TRIM55: variants seen among roughly 807,000 people sequenced by gnomAD.
TRIM55 encodes the protein tripartite motif-containing protein 55.
Under a neutral mutation model 60.9 loss-of-function variants are expected in TRIM55, and 50 were observed. That is an observed-to-expected ratio of 0.82 (90% confidence interval 0.65 to 1.04). The LOEUF is 1.04. TRIM55 is among the 50% of genes least tolerant of loss of function. The pLI is 0.00. For missense variants in TRIM55, 681 were observed against 666.9 expected, an observed-to-expected ratio of 1.02 and a Z score of -0.23; for synonymous variants, 237 against 238.1, an observed-to-expected ratio of 1.00 and a Z score of 0.04.
chr8:66,174,694 C>A lies in TRIM55; in HGVS notation c.*101C>A. 1 of 1,308,308 alleles carries A rather than the reference C, an allele frequency of 7.6e-7. No homozygotes were observed. The highest frequency in any genetic ancestry group is 1.0e-6 in the Non-Finnish European group (1 of 1,004,710). 81.0% of individuals were successfully genotyped at this position (1,308,308 alleles called of 1,614,324 possible). ...ATATTATGCAGATGATGAAAGGGAC[C>A]TCTGAACAGGATTTCTGCAAAAATA... On this transcript the variant is annotated 3_prime_UTR_variant, in exon 10 of 10. Transcript: ENST00000315962.
intron 4 of TRIM55, among the ~76,000 whole-genome samples, 188 bp downstream of exon 4, chr8:66,137,378 C>T (rs1294812246): frequency 6.6e-6 from 1 of 152,198 alleles, no homozygotes; most frequent in Non-Finnish European, 1.5e-5. Context: ...ACATGAGTCA[C>T]TGAGGCAGAT....
At chr8:66,122,934 A>G (rs1194565672), upstream of TRIM55, among the ~76,000 whole-genome samples, 1 of 152,156 alleles carries the variant, frequency 6.6e-6, no homozygotes, top group Non-Finnish European at 1.5e-5. Context: ...ATATTTTGAA[A>G]TGGCCCTGCA....
chr8:66,131,789 G>A (rs546242735), intron 2 of TRIM55, among the ~76,000 whole-genome samples: 2 of 152,264 alleles, frequency 1.3e-5, no homozygotes, highest in East Asian at 3.9e-4. Flanking sequence ...CTCACTGCAG[G>A]AATGTAACAG....
chr8:66,174,347 A>G, intron 9 of TRIM55, 124 bp from the exon 10 acceptor site: 1 of 717,338 alleles, frequency 1.4e-6, no homozygotes, highest in Non-Finnish European at 1.9e-6. Flanking sequence ...GCCATATAAT[A>G]ATATTGTTAT....
Position 66,174,499 on chromosome 8 carries a change from G to C in TRIM55, c.1553G>C (p.Gly518Ala), listed in dbSNP as rs572973590. Reference protein sequence around the residue: ...QIGFEAPPLQGQAAAPASGSG... With the variant: ...QIGFEAPPLQAQAAAPASGSG... The stretch of plus-strand genomic sequence containing the variant: ...GGATTTGAGGCTCCTCCCCTCCAGG[G>C]ACAGGCTGCAGCTCCAGCGAGTGGC... Residue 518 changes from glycine (G) to alanine (A), a missense_variant, in exon 10 of 10, where the codon GGA becomes GCA. Coordinates refer to ENST00000315962, the MANE Select transcript of TRIM55 (RefSeq NM_184085.2). 1.2e-6 allele frequency: 2 copies of C among 1,611,898 alleles called. No individual in the cohort carries two copies. Among genetic ancestry groups the C allele is most frequent in the African/African-American group, 2.7e-5 (2 of 74,914 alleles).
intron 3 of TRIM55, 121 bp from the exon 4 acceptor site, chr8:66,136,974 A>G: frequency 2.9e-6 from 2 of 690,546 alleles, no homozygotes; most frequent in South Asian, 2.0e-5. Context: ...CCTCCCTGTT[A>G]GTCCTTAGGG....
chr8:66,147,465 T>C (rs980118509), intron 4 of TRIM55, among the ~76,000 whole-genome samples: 1 of 151,918 alleles, frequency 6.6e-6, no homozygotes, highest in South Asian at 2.1e-4. Context: ...ATACTGAGAA[T>C]AGTAGAGAAA....
chr8:66,115,724 C>T, the TRIM55 span, among the ~76,000 whole-genome samples: 2 of 152,226 alleles, frequency 1.3e-5, no homozygotes, highest in African/African-American at 4.8e-5. Context: ...GATGGCCTTT[C>T]TTGGCTTTGC....
chr8:66,138,706 A>G (rs1809628621), intron 4 of TRIM55, among the ~76,000 whole-genome samples: 2 of 152,138 alleles, frequency 1.3e-5, no homozygotes, highest in Admixed American at 1.3e-4. Flanking sequence ...TGTTTTTAAG[A>G]TCCATTCGTG....
Position 66,154,090 on chromosome 8 carries a change from A to G in TRIM55, c.1280A>G (p.Glu427Gly). Reference protein sequence around the residue: ...PTGSEQTTESETPVPAAAETA... With the variant: ...PTGSEQTTESGTPVPAAAETA... ...GGCTCTGAGCAGACCACAGAGTCTG[A>G]AACTCCAGTCCCTGCAGCAGCAGAA... The change falls in exon 9 of 10, where the codon GAA (glutamate) becomes GGA (glycine). Residue 427 changes from glutamate to glycine, a missense_variant. Transcript: ENST00000315962. The G allele has an allele frequency of 1.2e-6, 2 of 1,613,998 alleles. No individual in the cohort carries two copies. The highest frequency in any genetic ancestry group is 1.7e-6 in the Non-Finnish European group (2 of 1,179,982).
intron 7 of TRIM55, 132 bp from the exon 8 acceptor site, chr8:66,152,245 C>A: frequency 1.6e-6 from 2 of 1,249,750 alleles, no homozygotes; most frequent in South Asian, 3.2e-5. Context: ...CACACTTGGA[C>A]CATTGTCAAG....
At chr8:66,169,753 C>T (rs1352171043) in intron 9 of TRIM55, among the ~76,000 whole-genome samples, 2 of 152,138 alleles carry the variant, frequency 1.3e-5, no homozygotes, top group East Asian at 1.9e-4. Context: ...TGACCCTGAC[C>T]GAGATGGGCA....
rs986569017 is a variant in TRIM55, at chr8:66,135,321, A to C, written c.507+166A>C. Among the ~76,000 whole-genome samples, 3 of 152,214 alleles carry C rather than the reference A, an allele frequency of 2.0e-5. No individual in the cohort carries two copies. In the East Asian group the frequency reaches 5.8e-4, roughly 29 times the overall value. ...AAGGTCTGCAGGAAGACATGTGCACAGTTGTGCACGAGGCACACACCAAAT... is the reference window on the plus strand; with the variant it reads ...AAGGTCTGCAGGAAGACATGTGCACCGTTGTGCACGAGGCACACACCAAAT... On this transcript the variant is annotated intron_variant, in intron 3 of 9. Transcript: ENST00000315962.
Position 66,174,574 on chromosome 8 carries a change from T to C in TRIM55, c.1628T>C (p.Leu543Ser), listed in dbSNP as rs1811822733. ...PARHIFSFSW[L>S]NSLNE ...CGCCATATCTTCTCCTTTTCCTGGT[T>C]GAACTCCCTAAATGAATGATATTCA... Residue 543 changes from leucine (L) to serine (S), a missense_variant, in exon 10 of 10, where the codon TTG (leucine) becomes TCG (serine). By Grantham distance (145) the Leu-to-Ser change is moderately radical. Transcript: ENST00000315962. 1 of 1,603,458 alleles carries C rather than the reference T, an allele frequency of 6.2e-7. No individual in the cohort carries two copies. The highest frequency in any genetic ancestry group is 8.5e-7 in the Non-Finnish European group (1 of 1,176,366).
rs2128981271 is a variant in TRIM55 at position 66,152,641 on chromosome 8, A to G, written c.1236+14A>G. On this transcript the variant is annotated intron_variant, in intron 8 of 9. Transcript: ENST00000315962. ...CCTGTGACACAGGTAACCCCTCCTGAGTCTCTTTCTACAGGGCACATGGGC... is the reference window on the plus strand; with the variant it reads ...CCTGTGACACAGGTAACCCCTCCTGGGTCTCTTTCTACAGGGCACATGGGC... 6.2e-7 allele frequency: 1 copy of G among 1,611,660 alleles called. No homozygotes were observed. The highest frequency in any genetic ancestry group is 1.1e-5 in the South Asian group (1 of 90,968).
At chr8:66,172,003 AC>A (rs1376956712) in intron 9 of TRIM55, among the ~76,000 whole-genome samples, 2 of 152,040 alleles carry the variant, frequency 1.3e-5, no homozygotes, top group Admixed American at 6.6e-5. Context: ...CATAAACAGT[AC>A]CCAGGGGATT....
At chr8:66,127,909 A>G (rs1275278212) in intron 1 of TRIM55, among the ~76,000 whole-genome samples, 1 of 152,252 alleles carries the variant, frequency 6.6e-6, no homozygotes, top group Non-Finnish European at 1.5e-5. Context: ...GTTTCTTTTA[A>G]TGATTTGGTT....
upstream of TRIM55, chr8:66,127,128 C>G: frequency 1.1e-6 from 1 of 931,422 alleles, no homozygotes; most frequent in South Asian, 1.8e-5. Context: ...CACTCCAAAC[C>G]AGGGCCTGAA....
intron 4 of TRIM55, among the ~76,000 whole-genome samples, chr8:66,139,532 G>A (rs1408594033): frequency 6.6e-6 from 1 of 152,188 alleles, no homozygotes; most frequent in Non-Finnish European, 1.5e-5. Context: ...GAAGGAACAG[G>A]TTTGAAGTTA....
Sources: gnomAD v4.1 joint callset for allele counts (sites outside exome capture counted in the v4.1 genomes callset) on GRCh38, gnomAD v4.1.1 for gene constraint, MANE v1.5 for transcripts, NCBI Gene and HGNC (gene_info 2026-07-23, HGNC 2026-07-21) for gene names.